Variants in POF1B observed in about 807,000 individuals in gnomAD.
POF1B encodes protein POF1B.
Under a neutral mutation model 55.3 loss-of-function variants are expected in POF1B, and 53 were observed. The ratio of observed to expected loss-of-function variants is 0.96; its 90% confidence interval spans 0.77 to 1.20. POF1B has a LOEUF of 1.20. POF1B is among the 50% of genes most tolerant of loss of function. POF1B has a pLI of 0.00. For synonymous variants in POF1B, 188 were observed against 148.3 expected (o/e 1.27, Z -1.95); for missense variants, 478 against 420.5 (o/e 1.14, Z -1.20).
At chrX:85,303,064 C>A (rs1932493433) in intron 15 of POF1B, among the ~76,000 whole-genome samples, 1 of 111,276 alleles carries the variant, frequency 9.0e-6, no homozygotes, top group South Asian at 3.7e-4. Context: ...ATCTGGATAC[C>A]AAGTAACCCC....
chrX:85,347,929 A>G (rs947863790), intron 5 of POF1B, among the ~76,000 whole-genome samples: 1 of 111,274 alleles, frequency 9.0e-6, no homozygotes. Context: ...GTCTGAGATG[A>G]CTATCACTCA....
chrX:85,346,182 A>G, intron 5 of POF1B, 140 bp from the exon 6 acceptor site: 1 of 469,281 alleles, frequency 2.1e-6, no homozygotes, highest in Non-Finnish European at 3.2e-6. Flanking sequence ...TTAACTAGTG[A>G]TATTTTTTCA....
intron 7 of POF1B, among the ~76,000 whole-genome samples, chrX:85,318,752 A>G (rs1932809250): frequency 1.8e-5 from 2 of 111,594 alleles, no homozygotes; most frequent in Admixed American, 9.6e-5. Context: ...TAGAAATACC[A>G]TGCTGTTTTG....
intron 12 of POF1B, 21 bp from the exon 13 acceptor site, chrX:85,305,931 A>G: frequency 2.5e-6 from 3 of 1,198,129 alleles, no homozygotes; most frequent in Non-Finnish European, 2.3e-6. Context: ...CAAAATAACT[A>G]TCTGTAATTG....
intron 6 of POF1B, 117 bp downstream of exon 6, chrX:85,345,743 A>G (rs1933255970): frequency 1.1e-5 from 7 of 647,741 alleles, no homozygotes; most frequent in Non-Finnish European, 1.5e-5. Context: ...CACAAATACC[A>G]GTGATATAAC....
At chrX:85,283,297 TTAG>T (rs746284942) in intron 15 of POF1B, among the ~76,000 whole-genome samples, 1 of 110,402 alleles carries the variant, frequency 9.1e-6, no homozygotes, top group South Asian at 3.8e-4. Context: ...GATAAAAAAA[TTAG>T]TAGGTAAATG....
intron 10 of POF1B, among the ~76,000 whole-genome samples, chrX:85,307,510 A>T (rs779451346): frequency 4.5e-5 from 5 of 111,775 alleles, no homozygotes; most frequent in Non-Finnish European, 7.5e-5. Context: ...AATGAAGCAC[A>T]ACCCTCTGAA....
In POF1B at chrX:85,379,358, A is replaced by T. The variant is rs1182352311; in HGVS notation, c.97T>A (p.Tyr33Asn). Reference sequence around the variant, plus strand: ...TGCTGGGCTTGGCTTGACTGATGGTAGCAGTGGTAATGCTGGGGCTGGCAC... The same window carrying T: ...TGCTGGGCTTGGCTTGACTGATGGTTGCAGTGGTAATGCTGGGGCTGGCAC... Reference protein sequence around the residue: ...LQCQPQHYHCYHQSSQAQQPP... With the variant: ...LQCQPQHYHCNHQSSQAQQPP... The change falls in exon 2 of 17, where the codon TAC becomes AAC. Residue 33 changes from tyrosine to asparagine, a missense_variant. Tyr to Asn is a moderately radical substitution (Grantham distance 143, BLOSUM62 -2). Transcript: ENST00000262753. 2 of 1,207,597 alleles carry T rather than the reference A, an allele frequency of 1.7e-6. No homozygotes were observed. Among genetic ancestry groups the T allele is most frequent in the African/African-American group, 3.5e-5 (2 of 56,560 alleles).
chrX:85,375,519 T>C (rs900976245), intron 2 of POF1B, among the ~76,000 whole-genome samples: 2 of 112,102 alleles, frequency 1.8e-5, no homozygotes, highest in African/African-American at 3.2e-5. Context: ...CTTCATTTAA[T>C]TGTAAGCACA....
intron 15 of POF1B, among the ~76,000 whole-genome samples, chrX:85,285,784 A>T (rs1932039207): frequency 9.0e-6 from 1 of 111,464 alleles, no homozygotes; most frequent in African/African-American, 3.3e-5. Flanking sequence ...CATGTACCCT[A>T]GAAGTTAAAG....
At chrX:85,362,947 T>C (rs1020215965) in intron 3 of POF1B, among the ~76,000 whole-genome samples, 1 of 111,045 alleles carries the variant, frequency 9.0e-6, no homozygotes, top group African/African-American at 3.3e-5. Context: ...TGCTCAGAGA[T>C]TCAATTTTTT....
At chrX:85,332,116 A>G (rs1436314771) in intron 6 of POF1B, among the ~76,000 whole-genome samples, 1 of 111,955 alleles carries the variant, frequency 8.9e-6, no homozygotes, top group Admixed American at 9.5e-5. Flanking sequence ...TATACTGACT[A>G]TAGAGGAATT....
In POF1B at chrX:85,279,359, T is replaced by A. The variant is rs1184969476; in HGVS notation, c.*62A>T. On this transcript the variant is annotated 3_prime_UTR_variant, in exon 17 of 17. Transcript: ENST00000262753. ...TGATGGAAAAATAACAAAGTACTAA[T>A]GCAGAGACACACACACAAAAAAAAA... is the stretch of plus-strand genomic sequence containing the variant. 2 of 1,075,356 alleles carry A rather than the reference T, an allele frequency of 1.9e-6. No individual in the cohort carries two copies. The highest frequency in any genetic ancestry group is 6.1e-5 in the East Asian group (2 of 32,887). 88.6% of individuals were successfully genotyped at this position (1,075,356 alleles called of 1,213,427 possible). A position where few individuals can be genotyped will look rare whatever the true frequency, so the allele number is the denominator to read the frequency against.
intron 15 of POF1B, 65 bp downstream of exon 15, chrX:85,303,341 C>A: frequency 1.3e-6 from 1 of 778,182 alleles, no homozygotes; most frequent in East Asian, 3.5e-5. Flanking sequence ...ACCAATTAAA[C>A]ATGAAATAAC....
intron 7 of POF1B, 92 bp downstream of exon 7, chrX:85,330,857 G>A: frequency 1.1e-6 from 1 of 883,087 alleles, no homozygotes; most frequent in Non-Finnish European, 1.5e-6. Flanking sequence ...TTTTTGCTGT[G>A]AACCTAAAAC....
chrX:85,369,870 T>C (rs2147951230), intron 2 of POF1B, among the ~76,000 whole-genome samples: 1 of 112,018 alleles, frequency 8.9e-6, no homozygotes, highest in South Asian at 3.7e-4. Context: ...AAGGTATTCA[T>C]GTCTAGAGGA....
rs780528435 is a variant in POF1B, at chrX:85,379,226, G to A, written c.229C>T (p.Pro77Ser). Residue 77 changes from proline to serine, a missense_variant, in exon 2 of 17, where the codon CCT (proline) becomes TCT (serine). Coordinates refer to ENST00000262753, the MANE Select transcript of POF1B (RefSeq NM_024921.4). ...TGGTAGGAGGAGGTGGTTTTGAGAG[G>A]GGAGAGCACTTCCCGTGAGTTGAAG... ...DPFNSREVLSPLKTTSSYQNL... is the reference protein window; with the variant it reads ...DPFNSREVLSSLKTTSSYQNL... 5.0e-6 allele frequency: 6 copies of A among 1,211,032 alleles called. No individual in the cohort carries two copies. The highest frequency in any genetic ancestry group is 2.3e-4 in the Middle Eastern group (1 of 4,323).
At chrX:85,361,207 C>T (rs765618692) in intron 3 of POF1B, among the ~76,000 whole-genome samples, 12 of 111,859 alleles carry the variant, frequency 1.1e-4, no homozygotes, top group Middle Eastern at 4.6e-3. Flanking sequence ...TTTCCTTTAA[C>T]GTGCAGAAGC....
chrX:85,281,966 C>T (rs1738964141), intron 16 of POF1B: 3 of 252,805 alleles, frequency 1.2e-5, no homozygotes, highest in Non-Finnish European at 2.0e-5. Context: ...TGTTAATCTT[C>T]TTCCTTTTGA....
Sources: gnomAD v4.1 joint callset for allele counts (sites outside exome capture counted in the v4.1 genomes callset) on GRCh38, gnomAD v4.1.1 for gene constraint, MANE v1.5 for transcripts, NCBI Gene and HGNC (gene_info 2026-07-23, HGNC 2026-07-21) for gene names.